HTR3A: variants seen among roughly 807,000 people sequenced by gnomAD.
HTR3A encodes the protein 5-hydroxytryptamine receptor 3A.
In HTR3A, 45 loss-of-function variants were observed where a neutral mutation model predicts 54.8. The observed-to-expected ratio is 0.82, with a 90% CI of 0.65 to 1.05. The LOEUF (loss-of-function observed/expected upper bound fraction) is 1.05, where lower values mean the gene tolerates loss of function less well. Among genes scored for constraint, HTR3A ranks in the 50% least tolerant of loss-of-function variants. The pLI is 0.00. For synonymous variants in HTR3A, 297 were observed against 256.0 expected, an observed-to-expected ratio of 1.16 and a Z score of -1.53; for missense variants, 657 against 614.0, an observed-to-expected ratio of 1.07 and a Z score of -0.74.
Position 113,981,212 on chromosome 11 carries a change from G to T in HTR3A, c.274G>T (p.Asp92Tyr). Reference sequence around the variant, plus strand: ...CCTGCTCCTCCCCTAGTACTGGACTGATGAGTTTCTCCAGTGGAACCCTGA... The same window carrying T: ...CCTGCTCCTCCCCTAGTACTGGACTTATGAGTTTCTCCAGTGGAACCCTGA... ...TYIWYRQYWTDEFLQWNPEDF... is the reference protein window; with the variant it reads ...TYIWYRQYWTYEFLQWNPEDF... Residue 92 changes from aspartate (D) to tyrosine (Y), a missense_variant, in exon 4 of 9, where the codon GAT becomes TAT. By Grantham distance (160) the Asp-to-Tyr change is radical. Coordinates refer to ENST00000504030, the MANE Select transcript of HTR3A (RefSeq NM_000869.6). 6.2e-7 allele frequency: 1 copy of T among 1,608,396 alleles called. No individual in the cohort carries two copies. The highest frequency in any genetic ancestry group is 8.5e-7 in the Non-Finnish European group (1 of 1,174,772).
chr11:113,976,730 G>C (rs1026410678), intron 1 of HTR3A, among the ~76,000 whole-genome samples: 9 of 144,802 alleles, frequency 6.2e-5, no homozygotes, highest in Non-Finnish European at 1.0e-4. Flanking sequence ...CACTAGATGA[G>C]AGAAGACACA....
Position 113,983,114 on chromosome 11 carries a change from C to T in HTR3A, c.375-6C>T, listed in dbSNP as rs202142720. 1.3e-4 allele frequency: 209 copies of T among 1,614,072 alleles called. No homozygotes were observed. Among genetic ancestry groups the T allele is most frequent in the Middle Eastern group, 3.3e-4 (2 of 6,084 alleles). On this transcript the variant is annotated splice_polypyrimidine_tract_variant and splice_region_variant and intron_variant, in intron 4 of 8. Transcript: ENST00000504030. ...GCTCCCAAACTAACCCCTTTTCCCCCGCCAGCGTGGATGTGGGGAAGTCTC... is the reference window on the plus strand; with the variant it reads ...GCTCCCAAACTAACCCCTTTTCCCCTGCCAGCGTGGATGTGGGGAAGTCTC...
chr11:113,980,665 G>C (rs75531825), intron 3 of HTR3A, among the ~76,000 whole-genome samples: 2 of 152,352 alleles, frequency 1.3e-5, no homozygotes, highest in East Asian at 3.9e-4. Flanking sequence ...GAGGGATAGC[G>C]GAGGTCAGAT....
chr11:113,975,465 T>G, intron 1 of HTR3A, 73 bp downstream of exon 1: 4 of 1,286,506 alleles, frequency 3.1e-6, no homozygotes, highest in Non-Finnish European at 4.4e-6. Context: ...GCTTCAGTCC[T>G]CCGAGGGCTG....
chr11:113,985,993 G>A (rs1250492418), intron 5 of HTR3A, 22 bp from the exon 6 acceptor site: 1 of 1,613,966 alleles, frequency 6.2e-7, no homozygotes, highest in East Asian at 2.2e-5. Context: ...TTCCAAAGCT[G>A]GCTTGCTTTA....
chr11:113,977,393 T>G, intron 1 of HTR3A: 1 of 639,860 alleles, frequency 1.6e-6, no homozygotes, highest in Non-Finnish European at 2.7e-6. Context: ...TTGCTTTTAG[T>G]ATCATACCCT....
At chr11:113,988,780 A>C (rs199815734) in intron 8 of HTR3A, among the ~76,000 whole-genome samples, 6 of 141,818 alleles carry the variant, frequency 4.2e-5, no homozygotes, top group Middle Eastern at 3.7e-3. Context: ...AACAAACAAC[A>C]AACAAACAAA....
intron 3 of HTR3A, 126 bp from the exon 4 acceptor site, chr11:113,981,077 A>C (rs1178112183): frequency 1.4e-6 from 1 of 704,970 alleles, no homozygotes; most frequent in Admixed American, 2.0e-5. Context: ...CGCCACTGAC[A>C]CCAGCTTCTC....
chr11:113,986,772 C>T (rs1157341433), intron 7 of HTR3A, 44 bp downstream of exon 7: 8 of 1,614,118 alleles, frequency 5.0e-6, no homozygotes, highest in Admixed American at 3.3e-5. Flanking sequence ...GTGAGAAACC[C>T]GCCCCCTCCC....
chr11:113,978,040 G>A (rs1281383409), intron 2 of HTR3A, 118 bp downstream of exon 2: 3 of 1,186,380 alleles, frequency 2.5e-6, no homozygotes, highest in Admixed American at 3.5e-5. Flanking sequence ...AGGACCTACG[G>A]TCTGGCACCA....
At chr11:113,983,697 A>G (rs1950452999) in intron 5 of HTR3A, among the ~76,000 whole-genome samples, 2 of 152,092 alleles carry the variant, frequency 1.3e-5, no homozygotes, top group Admixed American at 6.5e-5. Flanking sequence ...TTTTTTTCCA[A>G]TATCTCCAAC....
rs996690356 is a variant in HTR3A, at chr11:113,983,182, A to C, written c.437A>C (p.Gln146Pro). ...TATATTCGGCATCAAGGCGAAGTTC[A>C]GAACTACAAGCCCCTTCAGGTGGTG... Reference protein sequence around the residue: ...YVYIRHQGEVQNYKPLQVVTA... With the variant: ...YVYIRHQGEVPNYKPLQVVTA... The change falls in exon 5 of 9, where the codon CAG becomes CCG. Residue 146 changes from glutamine (Q) to proline (P), a missense_variant. Gln to Pro is a moderately conservative substitution (Grantham distance 76). Transcript: ENST00000504030. The C allele has an allele frequency of 6.2e-7, 1 of 1,614,098 alleles. No homozygotes were observed. The highest frequency in any genetic ancestry group is 1.3e-5 in the African/African-American group (1 of 74,952).
In HTR3A at chr11:113,989,749, T is replaced by A. The variant is rs754906023; in HGVS notation, c.1423T>A (p.Trp475Arg). 9.9e-6 allele frequency: 16 copies of A among 1,611,360 alleles called. No individual in the cohort carries two copies. Among genetic ancestry groups the A allele is most frequent in the Non-Finnish European group, 1.4e-5 (16 of 1,180,016 alleles). Residue 475 changes from tryptophan (W) to arginine (R), a missense_variant, in exon 9 of 9, where the codon TGG (tryptophan) becomes AGG (arginine). Coordinates refer to ENST00000504030, the MANE Select transcript of HTR3A (RefSeq NM_000869.6). This position sits in a 1 kb window ranked among gnomAD's most constrained non-coding sequence, Gnocchi z 4.4. ...SITLVMLWSIWQYA is the reference protein window; with the variant it reads ...SITLVMLWSIRQYA ...CACCCTGGTTATGCTCTGGTCCATC[T>A]GGCAGTACGCTTGAGTGGGTACAGC... is the stretch of plus-strand genomic sequence containing the variant.
rs1591600125 is a variant in HTR3A, at chr11:113,977,765, T to C, written c.68-6T>C. ...GGTGTCTACTTTGAACTGTTCTCCT[T>C]CCCAGCCAGGAGGAGCCGAAACACC... On this transcript the variant is annotated splice_region_variant and splice_polypyrimidine_tract_variant and intron_variant, in intron 1 of 8. Transcript: ENST00000504030. The C allele has an allele frequency of 6.2e-7, 1 of 1,613,898 alleles. No individual in the cohort carries two copies. Among genetic ancestry groups the C allele is most frequent in the Non-Finnish European group, 8.5e-7 (1 of 1,179,928 alleles).
intron 1 of HTR3A, among the ~76,000 whole-genome samples, chr11:113,975,683 C>A (rs1462867423): frequency 1.3e-5 from 2 of 152,148 alleles, no homozygotes; most frequent in East Asian, 1.9e-4. Flanking sequence ...CAGGAGGGGG[C>A]TCCTCTCCTT....
intron 2 of HTR3A, among the ~76,000 whole-genome samples, chr11:113,978,741 A>G (rs953326289): frequency 2.6e-5 from 4 of 152,196 alleles, no homozygotes; most frequent in Non-Finnish European, 5.9e-5. Context: ...CTGTAATCCC[A>G]GCACTTTGGG....
At chr11:113,987,140 GCTGTA>G (rs1591606784) in intron 8 of HTR3A, 94 bp downstream of exon 8, 1 of 1,317,496 alleles carries the variant, frequency 7.6e-7, no homozygotes, top group African/African-American at 1.4e-5. Flanking sequence ...CCAAGGAGGT[GCTGTA>G]CTGCACATGG....
chr11:113,989,449 C>T lies in HTR3A; in HGVS notation c.1139-16C>T, dbSNP rs770785422. The T allele has an allele frequency of 1.9e-6, 3 of 1,613,740 alleles. No homozygotes were observed. Among genetic ancestry groups the T allele is most frequent in the Non-Finnish European group, 1.7e-6 (2 of 1,179,974 alleles). ...CGGGGTCTCCCTCTCTTGCCAATGC[C>T]CTGCCCTTCTTCCAGCCATGGGAAA... On this transcript the variant is annotated splice_polypyrimidine_tract_variant and intron_variant, in intron 8 of 8. Coordinates refer to ENST00000504030, the MANE Select transcript of HTR3A (RefSeq NM_000869.6). This position sits in a 1 kb window ranked among gnomAD's most constrained non-coding sequence, Gnocchi z 4.4.
chr11:113,975,364 C>T lies in HTR3A; in HGVS notation c.39C>T (p.Leu13=), dbSNP rs149830293. 7.8e-5 allele frequency: 126 copies of T among 1,612,900 alleles called. No homozygotes were observed. The African/African-American group carries it at 1.3e-3, about 17-fold the overall frequency. Residue 13 remains leucine, a synonymous_variant, in exon 1 of 9, where the codon CTC becomes CTT. Transcript: ENST00000504030. ...TCCAGCAGGCGCTGCTCGCCTTGCT[C>T]CTCCCCACACTCCTGGCACAGGGAG... ...LWVQQALLAL[L]LPTLLAQGEA...
Sources: gnomAD v4.1 joint callset for allele counts (sites outside exome capture counted in the v4.1 genomes callset) on GRCh38, gnomAD v4.1.1 for gene constraint, Gnocchi (gnomAD v3.1) non-coding constraint, MANE v1.5 for transcripts, NCBI Gene and HGNC (gene_info 2026-07-23, HGNC 2026-07-21) for gene names.